Variants in ZNF217 observed in about 807,000 individuals in gnomAD.
The protein encoded by ZNF217 is zinc finger protein 217.
ZNF217 carries 12 observed loss-of-function variants against 73.3 expected under a neutral mutation model. The ratio of observed to expected loss-of-function variants is 0.16; its 90% CI spans 0.10 to 0.27. The LOEUF is 0.27. ZNF217 is among the 10% of genes least tolerant of loss of function. ZNF217 has a pLI of 1.00. For synonymous variants in ZNF217, 588 were observed against 516.4 expected (o/e 1.14, Z -1.88); for missense variants, 1,195 against 1,327.8 (o/e 0.90, Z 1.55).
Position 53,578,562 on chromosome 20 carries a change from C to A in ZNF217, c.1367-112G>T, listed in dbSNP as rs149245017. ...CATTTTTGGAAAGCATGAAAAAATT[C>A]TTTTATATAACATCGGGTTAGAACA... On this transcript the variant is annotated intron_variant, in intron 2 of 5. Transcript: ENST00000371471. 2,554 of 660,774 alleles carry A rather than the reference C, an allele frequency of 3.9e-3. 45 individuals carry two copies. The highest frequency in any genetic ancestry group is 0.038 in the African/African-American group (2,060 of 53,544). 40.9% of individuals were successfully genotyped at this position (660,774 alleles called of 1,614,324 possible). A position where few individuals can be genotyped will look rare whatever the true frequency, so the allele number is the denominator to read the frequency against.
In ZNF217 at chr20:53,581,405, C is replaced by T. The variant is rs1008412689; in HGVS notation, c.1366+56G>A. 11 of 1,530,044 alleles carry T rather than the reference C, an allele frequency of 7.2e-6. No homozygotes were observed. Among genetic ancestry groups the T allele is most frequent in the East Asian group, 6.8e-5 (3 of 44,044 alleles). 94.8% of individuals were successfully genotyped at this position (1,530,044 alleles called of 1,614,324 possible). Reference sequence around the variant, plus strand: ...GGAGATGGGAATAGAGAGGGGGAGACGGGGAGACAGACAGACACAGGCGGA... The same window carrying T: ...GGAGATGGGAATAGAGAGGGGGAGATGGGGAGACAGACAGACACAGGCGGA... On this transcript the variant is annotated intron_variant, in intron 2 of 5. Coordinates refer to ENST00000371471, the MANE Select transcript of ZNF217 (RefSeq NM_006526.3). The surrounding 1 kb of genome is among the most constrained non-coding windows in gnomAD (Gnocchi z 4.9).
chr20:53,592,422 C>T (rs1469189655), intron 1 of ZNF217, among the ~76,000 whole-genome samples: 1 of 152,054 alleles, frequency 6.6e-6, no homozygotes, highest in Non-Finnish European at 1.5e-5. Flanking sequence ...GTTTCTGGGG[C>T]TCTCAGGGCG....
Position 53,571,818 on chromosome 20 carries a change from T to C in ZNF217, c.3073A>G (p.Ser1025Gly). Residue 1025 changes from serine to glycine, a missense_variant, in exon 5 of 6, where the codon AGC becomes GGC. Transcript: ENST00000371471. The part of the protein sequence containing the change: ...RPVSYQHLSN[S>G]MAQKRNYENF... ...TCATAGTTTCTCTTTTGTGCCATGC[T>C]GTTAGATAAGTGTTGATATGACACA... 6.2e-7 allele frequency: 1 copy of C among 1,613,404 alleles called. No individual in the cohort carries two copies. Among genetic ancestry groups the C allele is most frequent in the Non-Finnish European group, 8.5e-7 (1 of 1,179,778 alleles).
In ZNF217 at chr20:53,576,244, C is replaced by G; in HGVS notation, c.2520G>C (p.Glu840Asp). 6.2e-7 allele frequency: 1 copy of G among 1,614,220 alleles called. No individual in the cohort carries two copies. ...GGGAAACACTGGTTTTAGGAAACATCTCAGATTGCTGTTGCCTGGTGGCGG... is the reference window on the plus strand; with the variant it reads ...GGGAAACACTGGTTTTAGGAAACATGTCAGATTGCTGTTGCCTGGTGGCGG... ...QGAATRQQQS[E>D]MFPKTSVSPA... The change falls in exon 4 of 6, where the codon GAG (glutamate) becomes GAC (aspartate). Residue 840 changes from glutamate to aspartate, a missense_variant. Glu to Asp is a conservative substitution (Grantham distance 45). Transcript: ENST00000371471.
At position 53,589,586 on chromosome 20, in the gene ZNF217, AG is replaced by A. The variant is rs546543483; in HGVS notation, c.-343+4169del. 2.0e-3 allele frequency among the ~76,000 whole-genome samples: 300 copies of A among 152,364 alleles called. 3 individuals are homozygous for A. Among genetic ancestry groups the A allele is most frequent in the African/African-American group, 6.9e-3 (285 of 41,590 alleles). The stretch of plus-strand genomic sequence containing the variant: ...CATGTCATCGTGAGCTGCAGATTTT[AG>A]GAAAGAATGGTCCCTGTTCTTCCAC... On this transcript the variant is annotated intron_variant, in intron 1 of 5. Coordinates refer to ENST00000371471, the MANE Select transcript of ZNF217 (RefSeq NM_006526.3).
intron 2 of ZNF217, among the ~76,000 whole-genome samples, chr20:53,580,401 C>G (rs1333923191): frequency 6.6e-6 from 1 of 152,194 alleles, no homozygotes; most frequent in African/African-American, 2.4e-5. Context: ...AAGACCGATT[C>G]ATGTTCCCAT....
chr20:53,581,321 CAA>C lies in ZNF217; in HGVS notation c.1366+138_1366+139del, dbSNP rs1988472323. ...TTAAATGACTTACACAGAGTGATAC[CAA>C]AAAGAGCCTGGACTTGACTCTGGCT... is the stretch of plus-strand genomic sequence containing the variant. On this transcript the variant is annotated intron_variant, in intron 2 of 5. Coordinates refer to ENST00000371471, the MANE Select transcript of ZNF217 (RefSeq NM_006526.3). The surrounding 1 kb of genome is among the most constrained non-coding windows in gnomAD (Gnocchi z 4.9). 8 of 1,227,288 alleles carry C rather than the reference CAA, an allele frequency of 6.5e-6. No homozygotes were observed. The East Asian group carries it at 2.0e-4, about 30-fold the overall frequency. 76.0% of individuals were successfully genotyped at this position (1,227,288 alleles called of 1,614,324 possible).
chr20:53,586,757 A>G (rs917336489), intron 1 of ZNF217, among the ~76,000 whole-genome samples: 1 of 152,222 alleles, frequency 6.6e-6, no homozygotes, highest in African/African-American at 2.4e-5. Flanking sequence ...CTAACAGCAA[A>G]TCACCGTTCC....
intron 4 of ZNF217, among the ~76,000 whole-genome samples, chr20:53,573,942 G>C (rs1473341048): frequency 1.3e-5 from 2 of 151,888 alleles, no homozygotes; most frequent in African/African-American, 4.8e-5. Flanking sequence ...GTGGCGGTGG[G>C]TGCCTGCATC....
chr20:53,577,965 A>G (rs990665112), intron 3 of ZNF217, among the ~76,000 whole-genome samples: 6 of 152,138 alleles, frequency 3.9e-5, no homozygotes, highest in Non-Finnish European at 8.8e-5. Context: ...TACAGAAATT[A>G]GCCGGGTGTG....
intron 5 of ZNF217, 49 bp downstream of exon 5, chr20:53,571,672 G>T: frequency 3.8e-6 from 6 of 1,561,684 alleles, no homozygotes; most frequent in Non-Finnish European, 5.2e-6. Flanking sequence ...CTCCCAAATG[G>T]CCACCGCACT....
chr20:53,575,737 C>A lies in ZNF217; in HGVS notation c.3027G>T (p.Ser1009=). The A allele has an allele frequency of 1.9e-6, 3 of 1,579,572 alleles. No homozygotes were observed. Among genetic ancestry groups the A allele is most frequent in the South Asian group, 1.2e-5 (1 of 85,856 alleles). Residue 1009 remains serine (S), a synonymous_variant, in exon 4 of 6, where the codon TCG becomes TCT. Transcript: ENST00000371471. Reference sequence around the variant, plus strand: ...CCCCTCATGCAATACCTTCTAACGTCGAGCTGGATGCTGGACTACCAGCAG... The same window carrying A: ...CCCCTCATGCAATACCTTCTAACGTAGAGCTGGATGCTGGACTACCAGCAG... ...CVPAGSPASS[S]TLEGKRPVSY...
chr20:53,589,931 C>A (rs1275495014), intron 1 of ZNF217, among the ~76,000 whole-genome samples: 2 of 131,646 alleles, frequency 1.5e-5, no homozygotes, highest in Non-Finnish European at 1.6e-5. Flanking sequence ...AAGAGGTGTG[C>A]GGATCAAGAC....
chr20:53,592,486 T>C (rs1988912524), intron 1 of ZNF217, among the ~76,000 whole-genome samples: 1 of 151,838 alleles, frequency 6.6e-6, no homozygotes, highest in African/African-American at 2.4e-5. Context: ...TAACTAAACC[T>C]GGCGGAAAAC....
At chr20:53,580,430 G>A (rs955289196) in intron 2 of ZNF217, among the ~76,000 whole-genome samples, 4 of 152,104 alleles carry the variant, frequency 2.6e-5, no homozygotes, top group African/African-American at 9.7e-5. Context: ...TGTCAATTAC[G>A]GCCTGCCCAT....
chr20:53,595,421 A>C (rs926605836), upstream of ZNF217, among the ~76,000 whole-genome samples: 1 of 152,252 alleles, frequency 6.6e-6, no homozygotes. Context: ...GAAAGAACGC[A>C]CTACAGAAAC....
intron 1 of ZNF217, among the ~76,000 whole-genome samples, chr20:53,590,619 A>G (rs1002312710): frequency 5.9e-5 from 9 of 152,152 alleles, no homozygotes; most frequent in African/African-American, 1.9e-4. Flanking sequence ...GTAATTTTAT[A>G]AAGTGGGAAA....
upstream of ZNF217, among the ~76,000 whole-genome samples, chr20:53,595,824 ATT>A (rs1989032054): frequency 6.6e-6 from 1 of 152,252 alleles, no homozygotes; most frequent in Non-Finnish European, 1.5e-5. Flanking sequence ...AAGAAACTTC[ATT>A]TAACTTTATG....
chr20:53,579,886 C>T (rs1189359202), intron 2 of ZNF217, among the ~76,000 whole-genome samples: 1 of 152,234 alleles, frequency 6.6e-6, no homozygotes, highest in African/African-American at 2.4e-5. Context: ...CAGAACTCAA[C>T]GCCAAGCTGG....
Sources: gnomAD v4.1 joint callset for allele counts (sites outside exome capture counted in the v4.1 genomes callset) on GRCh38, gnomAD v4.1.1 for gene constraint, Gnocchi (gnomAD v3.1) non-coding constraint, MANE v1.5 for transcripts, NCBI Gene and HGNC (gene_info 2026-07-23, HGNC 2026-07-21) for gene names.